Variants in CNBD1 observed in about 807,000 individuals in gnomAD.
The protein encoded by CNBD1 is cyclic nucleotide-binding domain-containing protein 1.
CNBD1 carries 71 observed loss-of-function variants against 54.4 expected under a neutral mutation model. That is an observed-to-expected ratio of 1.30 (90% CI 1.08 to 1.59). The LOEUF is 1.59. Ranked by LOEUF, CNBD1 falls within the 40% of genes most tolerant of loss-of-function variation. The pLI is 0.00. For synonymous variants in CNBD1, 182 were observed against 170.7 expected, an observed-to-expected ratio of 1.07 and a Z score of -0.51; for missense variants, 659 against 518.0, an observed-to-expected ratio of 1.27 and a Z score of -2.64.
chr8:87,328,310 T>C (rs1175050896), intron 8 of CNBD1, among the ~76,000 whole-genome samples: 1 of 152,078 alleles, frequency 6.6e-6, no homozygotes, highest in African/African-American at 2.4e-5. Flanking sequence ...TCTGGGCTTT[T>C]TATTATGTTT....
chr8:87,188,809 C>T (rs1405561490), intron 4 of CNBD1, among the ~76,000 whole-genome samples: 2 of 134,762 alleles, frequency 1.5e-5, no homozygotes, highest in Non-Finnish European at 3.1e-5. Flanking sequence ...AATGAACAGA[C>T]AGTAAAGCGT....
At chr8:87,121,413 A>G (rs1025422110) in intron 4 of CNBD1, among the ~76,000 whole-genome samples, 4 of 151,886 alleles carry the variant, frequency 2.6e-5, no homozygotes, top group Non-Finnish European at 4.4e-5. Flanking sequence ...ATAATTTTAT[A>G]CATTTATGAG....
intron 5 of CNBD1, among the ~76,000 whole-genome samples, chr8:87,211,875 A>G (rs967359141): frequency 2.6e-5 from 4 of 152,224 alleles, no homozygotes; most frequent in African/African-American, 9.6e-5. Context: ...CTTAGATATA[A>G]TGAACAAGTT....
chr8:86,962,455 G>A (rs546007725), intron 4 of CNBD1, among the ~76,000 whole-genome samples: 2 of 152,226 alleles, frequency 1.3e-5, no homozygotes, highest in Non-Finnish European at 2.9e-5. Context: ...AGAATACAGT[G>A]ATTTTTATCC....
intron 4 of CNBD1, among the ~76,000 whole-genome samples, chr8:87,126,906 CT>C (rs1300764359): frequency 6.6e-6 from 1 of 151,920 alleles, no homozygotes; most frequent in African/African-American, 2.4e-5. Flanking sequence ...ATTTTCTCTA[CT>C]GAATTGCCTT....
chr8:86,893,074 G>A (rs576588925), intron 2 of CNBD1, among the ~76,000 whole-genome samples: 3 of 152,212 alleles, frequency 2.0e-5, no homozygotes, highest in South Asian at 4.1e-4. Flanking sequence ...TTTTTATTTT[G>A]AGGTTTCCTC....
intron 2 of CNBD1, among the ~76,000 whole-genome samples, chr8:86,890,392 G>A (rs1301001328): frequency 6.6e-6 from 1 of 152,002 alleles, no homozygotes; most frequent in Non-Finnish European, 1.5e-5. Context: ...TGTCCTTGAT[G>A]TTATTCATGT....
intron 6 of CNBD1, among the ~76,000 whole-genome samples, chr8:87,273,881 C>A (rs1808421504): frequency 6.6e-6 from 1 of 151,378 alleles, no homozygotes; most frequent in Non-Finnish European, 1.5e-5. Flanking sequence ...ACTAACTCGT[C>A]ATCTAGCATT....
intron 4 of CNBD1, among the ~76,000 whole-genome samples, chr8:87,193,667 T>A (rs1813656736): frequency 6.6e-6 from 1 of 152,192 alleles, no homozygotes; most frequent in African/African-American, 2.4e-5. Context: ...ATCAAGATAT[T>A]CCTGTTTTAT....
At chr8:87,048,130 C>A (rs1437946638) in intron 4 of CNBD1, among the ~76,000 whole-genome samples, 1 of 151,866 alleles carries the variant, frequency 6.6e-6, no homozygotes, top group Non-Finnish European at 1.5e-5. Context: ...CTTTGCAAAT[C>A]GGGGTCTAGA....
At chr8:87,354,844 G>T (rs917829918) in intron 10 of CNBD1, among the ~76,000 whole-genome samples, 15 of 151,914 alleles carry the variant, frequency 9.9e-5, no homozygotes, top group Middle Eastern at 3.4e-3. Context: ...CTTTGCTATT[G>T]TGAATAGTGC....
intron 3 of CNBD1, among the ~76,000 whole-genome samples, chr8:86,911,851 A>T (rs903084389): frequency 6.6e-6 from 1 of 152,258 alleles, no homozygotes; most frequent in African/African-American, 2.4e-5. Flanking sequence ...CAAGAAAGCA[A>T]TCCCATTTAC....
At chr8:86,915,895 T>G (rs1809176499) in intron 3 of CNBD1, among the ~76,000 whole-genome samples, 1 of 152,186 alleles carries the variant, frequency 6.6e-6, no homozygotes, top group African/African-American at 2.4e-5. Flanking sequence ...TCAATTCTCC[T>G]TTTAGCTCTA....
intron 3 of CNBD1, among the ~76,000 whole-genome samples, chr8:86,919,395 C>T (rs1187340721): frequency 6.6e-6 from 1 of 152,082 alleles, no homozygotes; most frequent in Non-Finnish European, 1.5e-5. Context: ...TTCTTATAGG[C>T]CAAACAAGGG....
At chr8:87,238,292 G>A (rs1807622663) in intron 6 of CNBD1, among the ~76,000 whole-genome samples, 1 of 152,028 alleles carries the variant, frequency 6.6e-6, no homozygotes, top group Non-Finnish European at 1.5e-5. Flanking sequence ...TACTGCACAG[G>A]CCAAGAAACC....
At chr8:86,973,465 T>C (rs936495809) in intron 4 of CNBD1, among the ~76,000 whole-genome samples, 4 of 150,818 alleles carry the variant, frequency 2.7e-5, no homozygotes, top group Admixed American at 6.6e-5. Context: ...CTTTTCATCA[T>C]TGTTTTTGCC....
At chr8:87,289,380 T>C (rs1021096554) in intron 8 of CNBD1, among the ~76,000 whole-genome samples, 4 of 152,146 alleles carry the variant, frequency 2.6e-5, no homozygotes, top group Non-Finnish European at 4.4e-5. Flanking sequence ...TTTGGGTGTG[T>C]CCAGTTTATA....
chr8:87,379,713 T>A (rs549427929), intron 10 of CNBD1, among the ~76,000 whole-genome samples: 3 of 152,044 alleles, frequency 2.0e-5, no homozygotes, highest in South Asian at 2.1e-4. Context: ...TAATTTTTTT[T>A]AAGAAATACG....
chr8:87,289,864 C>A (rs1426750918), intron 8 of CNBD1, among the ~76,000 whole-genome samples: 1 of 152,148 alleles, frequency 6.6e-6, no homozygotes, highest in Non-Finnish European at 1.5e-5. Context: ...CACTCTTGAG[C>A]ATCCCAGAAC....
Sources: allele counts gnomAD v4.1 joint callset (sites outside exome capture counted in the v4.1 genomes callset), GRCh38; gene constraint gnomAD v4.1.1; transcripts MANE v1.5; gene names NCBI Gene and HGNC (gene_info 2026-07-23, HGNC 2026-07-21).